Variants in FOXK2 observed in about 807,000 individuals in gnomAD.
The protein encoded by FOXK2 is forkhead box protein K2.
Under a neutral mutation model 53.3 loss-of-function variants are expected in FOXK2, and 24 were observed. The observed-to-expected ratio is 0.45, with a 90% CI of 0.33 to 0.63. FOXK2 has a LOEUF of 0.63. FOXK2 is among the 30% of genes least tolerant of loss of function. The pLI is 0.03. For synonymous variants in FOXK2, 505 were observed against 407.1 expected (o/e 1.24, Z -2.89); for missense variants, 952 against 910.5 (o/e 1.05, Z -0.59).
In FOXK2 at chr17:82,586,488, TCAAA is replaced by T. The variant is rs1567985384; in HGVS notation, c.1576+289_1576+292del. Among the ~76,000 whole-genome samples the T allele has an allele frequency of 1.2e-3, 26 of 21,622 alleles. 8 individuals carry two copies. Among genetic ancestry groups the T allele is most frequent in the Admixed American group, 7.0e-3 (9 of 1,280 alleles). The allele number at this position is 21,622 out of a possible 152,430, so 14.2% of individuals were successfully genotyped here. On this transcript the variant is annotated intron_variant, in intron 7 of 8. Coordinates refer to ENST00000335255, the MANE Select transcript of FOXK2 (RefSeq NM_004514.4). ...GAGGAGAGGGGAGACCACAGGGAGGTCAAAGGTGGGCCGGGGGGGAAAGGAGGAG... is the reference window on the plus strand; with the variant it reads ...GAGGAGAGGGGAGACCACAGGGAGGTGGTGGGCCGGGGGGGAAAGGAGGAG...
intron 1 of FOXK2, among the ~76,000 whole-genome samples, chr17:82,553,484 G>A (rs1280566760): frequency 1.3e-5 from 2 of 152,244 alleles, no homozygotes; most frequent in Non-Finnish European, 2.9e-5. Flanking sequence ...TGTCTCCTCT[G>A]CATGTCAAGG....
intron 1 of FOXK2, among the ~76,000 whole-genome samples, chr17:82,520,833 G>C (rs1331011162): frequency 1.3e-5 from 2 of 152,192 alleles, no homozygotes; most frequent in Non-Finnish European, 2.9e-5. Flanking sequence ...TCCCTGCCGT[G>C]TTTTCAGTAG....
chr17:82,559,768 T>G (rs1397697890), intron 1 of FOXK2, among the ~76,000 whole-genome samples: 1 of 150,272 alleles, frequency 6.7e-6, no homozygotes, highest in Non-Finnish European at 1.5e-5. Flanking sequence ...ATCAGTTTTA[T>G]TATTTATTAT....
intron 2 of FOXK2, among the ~76,000 whole-genome samples, chr17:82,565,661 G>T (rs2044844753): frequency 6.6e-6 from 1 of 152,076 alleles, no homozygotes; most frequent in African/African-American, 2.4e-5. Context: ...CCAGAAAATA[G>T]TGTTAGTGAG....
Position 82,576,238 on chromosome 17 carries a change from G to A in FOXK2, c.909+4368G>A, listed in dbSNP as rs1429802215. ...GTGCTCGGGTGGCGGCGGCGGGTTC[G>A]TCCACACCAGCGTGTGTGCTCGGGT... On this transcript the variant is annotated intron_variant, in intron 4 of 8. Coordinates refer to ENST00000335255, the MANE Select transcript of FOXK2 (RefSeq NM_004514.4). Among the ~76,000 whole-genome samples, 790 of 110,022 alleles carry A rather than the reference G, an allele frequency of 7.2e-3. 8 individuals are homozygous for A. Among genetic ancestry groups the A allele is most frequent in the African/African-American group, 0.026 (741 of 28,234 alleles). The allele number at this position is 110,022 out of a possible 152,430, so 72.2% of individuals were successfully genotyped here. A position where few individuals can be genotyped will look rare whatever the true frequency, so the allele number is the denominator to read the frequency against.
At chr17:82,593,603 T>C (rs1007802144) in intron 8 of FOXK2, 2 of 152,334 alleles carry the variant, frequency 1.3e-5, no homozygotes, top group Non-Finnish European at 2.9e-5. Flanking sequence ...TACGGTCCCA[T>C]GTCCCTCACA....
chr17:82,523,906 A>G (rs2144037396), intron 1 of FOXK2, among the ~76,000 whole-genome samples: 1 of 152,284 alleles, frequency 6.6e-6, no homozygotes, highest in South Asian at 2.1e-4. Context: ...TGTAAAGGCC[A>G]AAGTATTATT....
chr17:82,557,643 C>T (rs1300837950), intron 1 of FOXK2, among the ~76,000 whole-genome samples: 1 of 151,998 alleles, frequency 6.6e-6, no homozygotes, highest in Non-Finnish European at 1.5e-5. Flanking sequence ...CTGTGTCCGG[C>T]CTCTGCCTTT....
At chr17:82,592,757 C>T (rs921261668) in intron 8 of FOXK2, among the ~76,000 whole-genome samples, 14 of 152,232 alleles carry the variant, frequency 9.2e-5, no homozygotes, top group Non-Finnish European at 5.9e-5. Flanking sequence ...TCAGCTGTGG[C>T]GCCTGGTGTG....
intron 1 of FOXK2, among the ~76,000 whole-genome samples, chr17:82,542,919 GA>G (rs2044588203): frequency 6.6e-6 from 1 of 152,182 alleles, no homozygotes; most frequent in African/African-American, 2.4e-5. Flanking sequence ...TCAGGAGGCT[GA>G]TGTGAGAGAA....
intron 1 of FOXK2, among the ~76,000 whole-genome samples, chr17:82,523,257 G>T (rs1347278183): frequency 1.3e-5 from 2 of 152,140 alleles, no homozygotes; most frequent in Non-Finnish European, 1.5e-5. Flanking sequence ...CTCTCTACCC[G>T]TACTGAGTAC....
rs924895620 is a variant in FOXK2 at position 82,587,221 on chromosome 17, G to A, written c.1735G>A (p.Gly579Ser). 3.7e-5 allele frequency: 60 copies of A among 1,612,914 alleles called. No homozygotes were observed. Among genetic ancestry groups the A allele is most frequent in the East Asian group, 1.6e-4 (7 of 44,898 alleles). Residue 579 changes from glycine (G) to serine (S), a missense_variant, in exon 8 of 9, where the codon GGC becomes AGC. By Grantham distance (56) the Gly-to-Ser change is moderately conservative. This residue lies in a region of FOXK2 where 551 missense variants were observed against 385.1 expected (regional missense o/e 1.43). Transcript: ENST00000335255. ...ACCAATAAAAACTGTAACACAAAACGGCACTCACGTGGCATCAGTCCCCAC... is the reference window on the plus strand; with the variant it reads ...ACCAATAAAAACTGTAACACAAAACAGCACTCACGTGGCATCAGTCCCCAC... ...QLPIKTVTQN[G>S]THVASVPTAV...
intron 1 of FOXK2, among the ~76,000 whole-genome samples, chr17:82,562,423 A>C (rs2044806672): frequency 6.6e-6 from 1 of 152,186 alleles, no homozygotes; most frequent in Admixed American, 6.5e-5. Flanking sequence ...TCTGCTAAAA[A>C]TACGAAATTA....
In FOXK2 at chr17:82,563,382, A is replaced by G. The variant is rs760266857; in HGVS notation, c.448A>G (p.Ile150Val). Residue 150 changes from isoleucine (I) to valine (V), a missense_variant, in exon 2 of 9, where the codon ATC becomes GTC. By Grantham distance (29) the Ile-to-Val change is conservative. Around this residue, in one of 5 missense-constraint regions of FOXK2, gnomAD observed 76 missense variants for 128.2 expected, o/e 0.59. Coordinates refer to ENST00000335255, the MANE Select transcript of FOXK2 (RefSeq NM_004514.4). Reference protein sequence around the residue: ...VCTFRFPSTNIKITFTALSSE... With the variant: ...VCTFRFPSTNVKITFTALSSE... ...CACATTCAGGTTCCCGAGCACAAAC[A>G]TCAAGATAACGTTCACTGCCCTGTC... is the stretch of plus-strand genomic sequence containing the variant. 1.2e-6 allele frequency: 2 copies of G among 1,613,946 alleles called. No individual in the cohort carries two copies. The highest frequency in any genetic ancestry group is 8.5e-7 in the Non-Finnish European group (1 of 1,179,964).
chr17:82,527,820 A>G (rs568252562), intron 1 of FOXK2, among the ~76,000 whole-genome samples: 2 of 152,136 alleles, frequency 1.3e-5, no homozygotes, highest in South Asian at 2.1e-4. Context: ...TTATTTTATT[A>G]TTTAGAGTCT....
In FOXK2 at chr17:82,539,295, GC is replaced by G. The variant is rs35238676; in HGVS notation, c.419+18991del. Among the ~76,000 whole-genome samples the G allele has an allele frequency of 4.1e-5, 2 of 49,098 alleles. 1 individual carries two copies. Among genetic ancestry groups the G allele is most frequent in the Non-Finnish European group, 8.5e-5 (2 of 23,572 alleles). The allele number at this position is 49,098 out of a possible 152,430, so 32.2% of individuals were successfully genotyped here. On this transcript the variant is annotated intron_variant, in intron 1 of 8. Transcript: ENST00000335255. ...AAGGTGGCCGGGCGTGGTGGCTCAG[GC>G]CCGTAATCTCAGCACTGTAAGGTGG...
At chr17:82,587,311 T>C (rs1598233644) in intron 8 of FOXK2, 39 bp downstream of exon 8, 2 of 1,500,310 alleles carry the variant, frequency 1.3e-6, no homozygotes, top group Non-Finnish European at 1.9e-6. Flanking sequence ...TGGCTGTGGG[T>C]ACTGGGAGCA....
intron 1 of FOXK2, among the ~76,000 whole-genome samples, chr17:82,533,950 G>C (rs917837229): frequency 5.3e-5 from 8 of 150,980 alleles, no homozygotes; most frequent in Non-Finnish European, 1.2e-4. Context: ...AGGGAGCCGA[G>C]ATCACACCGG....
In FOXK2 at chr17:82,520,023, C is replaced by T. The variant is rs145603983; in HGVS notation, c.135C>T (p.Phe45=). ...TGGCGCGCCTGGAGGGCCGCGAGTT[C>T]GAGTATCTGATGAAGAAGCGCTCGG... ...WAVARLEGRE[F]EYLMKKRSVT... The change falls in exon 1 of 9, where the codon TTC becomes TTT. Residue 45 remains phenylalanine (F), a synonymous_variant. Transcript: ENST00000335255. The T allele has an allele frequency of 2.6e-4, 384 of 1,487,324 alleles. No individual in the cohort carries two copies. The African/African-American group carries it at 4.7e-3, about 18-fold the overall frequency. 92.1% of individuals were successfully genotyped at this position (1,487,324 alleles called of 1,614,324 possible). A position where few individuals can be genotyped will look rare whatever the true frequency, so the allele number is the denominator to read the frequency against.
Sources: gnomAD v4.1 joint callset for allele counts (sites outside exome capture counted in the v4.1 genomes callset) on GRCh38, gnomAD v4.1.1 for gene constraint, gnomAD v4.1.1 regional missense constraint, MANE v1.5 for transcripts, NCBI Gene and HGNC (gene_info 2026-07-23, HGNC 2026-07-21) for gene names.